SLC4A1AP: variants seen among roughly 807,000 people sequenced by gnomAD.
SLC4A1AP encodes the protein solute carrier family 4 member 1 adaptor protein, also known as kanadaptin.
SLC4A1AP carries 64 observed loss-of-function variants against 89.7 expected under a neutral mutation model. That is an observed-to-expected ratio of 0.71 (90% confidence interval 0.58 to 0.88). The LOEUF is 0.88. SLC4A1AP is among the 40% of genes least tolerant of loss of function. The pLI is 0.00. For missense variants in SLC4A1AP, 931 were observed against 965.0 expected (o/e 0.96, Z 0.47); for synonymous variants, 366 against 353.3 (o/e 1.04, Z -0.40).
rs550422198 is a variant in SLC4A1AP at position 27,677,308 on chromosome 2, A to G, written c.1520A>G (p.Asn507Ser). ...TGGGTGTTACAGGTTGCAAAATTAA[A>G]TGATGCTGAAAGGGAACTTTCTGAA... Residue 507 changes from asparagine to serine, a missense_variant, in exon 7 of 14, where the codon AAT (asparagine) becomes AGT (serine). Transcript: ENST00000613058. The G allele has an allele frequency of 5.6e-6, 9 of 1,613,224 alleles. No individual in the cohort carries two copies. The South Asian group carries it at 8.8e-5, about 16-fold the overall frequency.
chr2:27,685,183 C>T (rs909686279), exon 10 of SLC4A1AP: 1 of 1,614,174 alleles, frequency 6.2e-7, no homozygotes, highest in Non-Finnish European at 8.5e-7. Flanking sequence ...ATGGAAGCCT[C>T]AGTAGGCCAC....
chr2:27,672,623 G>C (rs897900903), intron 5 of SLC4A1AP, among the ~76,000 whole-genome samples: 4 of 151,980 alleles, frequency 2.6e-5, no homozygotes, highest in African/African-American at 9.7e-5. Flanking sequence ...GCTTTTCTTA[G>C]GTGTCATGTA....
At chr2:27,677,741 T>C in exon 8 of SLC4A1AP, 1 of 1,597,662 alleles carries the variant, frequency 6.3e-7, no homozygotes, top group South Asian at 1.1e-5. Context: ...TGGACAGTTC[T>C]ATCAGAGTCT....
chr2:27,679,763 G>A (rs1172282829), intron 8 of SLC4A1AP, among the ~76,000 whole-genome samples: 7 of 152,140 alleles, frequency 4.6e-5, no homozygotes, highest in African/African-American at 4.8e-5. Flanking sequence ...AAAAATGATG[G>A]TGGGGGAAGA....
chr2:27,693,731 A>G, exon 13 of SLC4A1AP: 4 of 1,612,498 alleles, frequency 2.5e-6, no homozygotes, highest in Non-Finnish European at 2.5e-6. Context: ...GACCCAGACT[A>G]CTGTGTGTGG....
chr2:27,684,471 C>T lies in SLC4A1AP; in HGVS notation c.1876-566C>T, dbSNP rs76685892. Among the ~76,000 whole-genome samples, 505 of 151,768 alleles carry T rather than the reference C, an allele frequency of 3.3e-3. 1 individual carries two copies. The highest frequency in any genetic ancestry group is 5.6e-3 in the Non-Finnish European group (382 of 67,926). ...ATATAACCAAGATATGCTTTGGTTC[C>T]TTCCCTCTATTCCATAACTGTGATC... On this transcript the variant is annotated intron_variant, in intron 9 of 13. Coordinates refer to ENST00000613058, the Ensembl canonical transcript of SLC4A1AP.
intron 2 of SLC4A1AP, among the ~76,000 whole-genome samples, chr2:27,666,354 C>CACCCA (rs1572988087): frequency 1.2e-4 from 2 of 16,482 alleles, no homozygotes; most frequent in African/African-American, 3.7e-4. Context: ...TGTGATCCAC[C>CACCCA]CCCCACCCCC....
intron 5 of SLC4A1AP, among the ~76,000 whole-genome samples, chr2:27,673,169 T>C (rs910911459): frequency 2.0e-5 from 3 of 152,154 alleles, no homozygotes; most frequent in Non-Finnish European, 4.4e-5. Context: ...CGTTTGAGGA[T>C]TCTGCAGTGT....
At chr2:27,683,973 T>G (rs1675662269) in intron 9 of SLC4A1AP, among the ~76,000 whole-genome samples, 1 of 152,054 alleles carries the variant, frequency 6.6e-6, no homozygotes, top group Admixed American at 6.6e-5. Flanking sequence ...CCTGACCTCA[T>G]GATTCACCTG....
chr2:27,667,229 A>G (rs756942595), intron 2 of SLC4A1AP, 39 bp from the exon 3 acceptor site: 1 of 1,590,916 alleles, frequency 6.3e-7, no homozygotes, highest in Non-Finnish European at 8.5e-7. Context: ...GTCTCTTCTC[A>G]TGTCTGATTA....
chr2:27,693,859 G>A (rs1572998470), intron 13 of SLC4A1AP, 105 bp downstream of exon 13: 1 of 762,416 alleles, frequency 1.3e-6, no homozygotes, highest in Non-Finnish European at 2.0e-6. Flanking sequence ...AGAGTATGTA[G>A]TGATAATTTG....
rs769566464 is a variant in SLC4A1AP at position 27,669,424 on chromosome 2, A to G, written c.1345+37A>G. On this transcript the variant is annotated intron_variant, in intron 5 of 13. Coordinates refer to ENST00000613058, the Ensembl canonical transcript of SLC4A1AP. Reference sequence around the variant, plus strand: ...GGAGCCCTTTTTTTCTAGATTTAAAAAAAGGAAAACTCAACACAAACGCTA... The same window carrying G: ...GGAGCCCTTTTTTTCTAGATTTAAAGAAAGGAAAACTCAACACAAACGCTA... 4.8e-6 allele frequency: 7 copies of G among 1,455,806 alleles called. No individual in the cohort carries two copies. The South Asian group carries it at 9.1e-5, about 19-fold the overall frequency. The allele number at this position is 1,455,806 out of a possible 1,614,324, so 90.2% of individuals were successfully genotyped here. A position where few individuals can be genotyped will look rare whatever the true frequency, so the allele number is the denominator to read the frequency against.
intron 5 of SLC4A1AP, 120 bp downstream of exon 5, chr2:27,669,507 G>T (rs1675387244): frequency 1.0e-6 from 1 of 983,126 alleles, no homozygotes; most frequent in South Asian, 2.0e-5. Context: ...GAAGTGAAAA[G>T]AGAAAAATTC....
exon 14 of SLC4A1AP, chr2:27,694,808 CGTTCTGT>C: frequency 2.9e-6 from 2 of 680,232 alleles, no homozygotes; most frequent in Non-Finnish European, 4.9e-6. Flanking sequence ...ACTGGCTTTT[CGTTCTGT>C]GTTCTTGGCT....
intron 9 of SLC4A1AP, among the ~76,000 whole-genome samples, chr2:27,682,601 T>G (rs1675639225): frequency 6.6e-6 from 1 of 150,698 alleles, no homozygotes; most frequent in Non-Finnish European, 1.5e-5. Flanking sequence ...CTCGGCTGAC[T>G]GCAACTTCCG....
chr2:27,686,818 T>A (rs1224632631), intron 10 of SLC4A1AP, among the ~76,000 whole-genome samples: 4 of 152,270 alleles, frequency 2.6e-5, no homozygotes, highest in African/African-American at 4.8e-5. Context: ...TTTGCAGTGA[T>A]GAGGGATTAC....
chr2:27,668,476 G>A (rs1675369881), intron 3 of SLC4A1AP, among the ~76,000 whole-genome samples: 1 of 151,938 alleles, frequency 6.6e-6, no homozygotes, highest in Non-Finnish European at 1.5e-5. Flanking sequence ...TTGAGACAGG[G>A]TCTCACTCTG....
At chr2:27,673,013 C>G (rs1258027519) in intron 5 of SLC4A1AP, among the ~76,000 whole-genome samples, 1 of 137,198 alleles carries the variant, frequency 7.3e-6, no homozygotes, top group African/African-American at 2.6e-5. Context: ...AATCCAAAGG[C>G]TTTCTGTTTT....
At chr2:27,668,020 TG>T (rs1355421513) in intron 3 of SLC4A1AP, among the ~76,000 whole-genome samples, 2 of 152,198 alleles carry the variant, frequency 1.3e-5, no homozygotes, top group East Asian at 3.8e-4. Context: ...TATGGAGAAT[TG>T]GTTACTTTGA....
Sources: allele counts gnomAD v4.1 joint callset (sites outside exome capture counted in the v4.1 genomes callset), GRCh38; gene constraint gnomAD v4.1.1; transcripts MANE v1.5; gene names NCBI Gene and HGNC (gene_info 2026-07-23, HGNC 2026-07-21).